EYS: variants seen among roughly 807,000 people sequenced by gnomAD.
EYS encodes protein eyes shut homolog.
EYS carries 250 observed loss-of-function variants against 282.1 expected under a neutral mutation model. The observed-to-expected ratio is 0.89, with a 90% CI of 0.80 to 0.98. The LOEUF is 0.98. Ranked by LOEUF, EYS falls within the 50% of genes least tolerant of loss-of-function variation. The pLI is 0.00. For synonymous variants in EYS, 1,355 were observed against 1,282.9 expected, an observed-to-expected ratio of 1.06 and a Z score of -1.20; for missense variants, 4,016 against 3,709.0, an observed-to-expected ratio of 1.08 and a Z score of -2.15.
intron 28 of EYS, among the ~76,000 whole-genome samples, chr6:64,390,012 G>T (rs201146776): frequency 4.1e-5 from 6 of 147,574 alleles, no homozygotes; most frequent in African/African-American, 1.5e-4. Context: ...AAGGGGTGAT[G>T]GATGGCACCT....
intron 12 of EYS, among the ~76,000 whole-genome samples, chr6:65,075,605 T>C (rs997656330): frequency 2.0e-5 from 3 of 152,004 alleles, no homozygotes; most frequent in African/African-American, 7.2e-5. Context: ...AGTGAATTTC[T>C]TAAATAGTAT....
intron 11 of EYS, among the ~76,000 whole-genome samples, chr6:65,300,156 G>A (rs904287184): frequency 2.6e-5 from 4 of 151,996 alleles, no homozygotes; most frequent in Admixed American, 6.6e-5. Flanking sequence ...AAAATACATT[G>A]GATATTCTCT....
chr6:64,194,698 C>A (rs966958688), intron 31 of EYS, among the ~76,000 whole-genome samples: 1 of 152,060 alleles, frequency 6.6e-6, no homozygotes, highest in South Asian at 2.1e-4. Context: ...TTAGCAACAA[C>A]GTATATTCTA....
At chr6:64,055,047 G>A (rs917100478) in intron 33 of EYS, among the ~76,000 whole-genome samples, 6 of 152,122 alleles carry the variant, frequency 3.9e-5, no homozygotes, top group African/African-American at 7.2e-5. Context: ...GCTTACTGTA[G>A]TACAGATGAG....
At chr6:64,463,239 C>T (rs1358054666) in intron 26 of EYS, among the ~76,000 whole-genome samples, 1 of 152,158 alleles carries the variant, frequency 6.6e-6, no homozygotes, top group Non-Finnish European at 1.5e-5. Flanking sequence ...GCGTGAGCCA[C>T]TGCGCCTGGC....
intron 22 of EYS, among the ~76,000 whole-genome samples, chr6:64,783,664 C>T (rs1296257139): frequency 6.6e-6 from 1 of 151,938 alleles, no homozygotes; most frequent in African/African-American, 2.4e-5. Flanking sequence ...ATGGCTATAC[C>T]ATTTAAAAAT....
chr6:63,876,797 T>C (rs1772984764), intron 35 of EYS, among the ~76,000 whole-genome samples: 1 of 151,930 alleles, frequency 6.6e-6, no homozygotes, highest in Admixed American at 6.6e-5. Flanking sequence ...AACCCCTGCT[T>C]TTTTTTTGTT....
chr6:64,742,663 T>A (rs1772415973), intron 22 of EYS, among the ~76,000 whole-genome samples: 1 of 152,154 alleles, frequency 6.6e-6, no homozygotes. Context: ...AGTGATGGGT[T>A]CACAGGTGCA....
chr6:64,143,775 C>A (rs1774422709), intron 31 of EYS, among the ~76,000 whole-genome samples: 1 of 152,108 alleles, frequency 6.6e-6, no homozygotes, highest in Admixed American at 6.6e-5. Context: ...TTTGACCCTG[C>A]CAATAATTAG....
intron 5 of EYS, among the ~76,000 whole-genome samples, chr6:65,431,595 T>C (rs976585007): frequency 3.3e-5 from 5 of 152,126 alleles, no homozygotes; most frequent in African/African-American, 1.2e-4. Flanking sequence ...TATTTGTTCA[T>C]TATATATGAC....
At chr6:64,626,861 A>C (rs1767626077) in intron 22 of EYS, among the ~76,000 whole-genome samples, 3 of 152,218 alleles carry the variant, frequency 2.0e-5, no homozygotes, top group Admixed American at 2.0e-4. Flanking sequence ...GCTTAAATCC[A>C]AGTGAACTGT....
intron 36 of EYS, among the ~76,000 whole-genome samples, chr6:63,841,152 A>G (rs1771946657): frequency 6.6e-6 from 1 of 152,174 alleles, no homozygotes; most frequent in South Asian, 2.1e-4. Flanking sequence ...TTTAAATATA[A>G]TTTTAGTCAC....
chr6:65,111,955 T>C (rs1229892350), intron 12 of EYS, among the ~76,000 whole-genome samples: 1 of 152,138 alleles, frequency 6.6e-6, no homozygotes, highest in African/African-American at 2.4e-5. Context: ...TTACTCACTT[T>C]CAACTTGGAG....
chr6:64,419,745 C>T (rs9451548), intron 28 of EYS, among the ~76,000 whole-genome samples: 88,991 of 152,144 alleles, frequency 0.58, 27,192 homozygotes, highest in Non-Finnish European at 0.68. Context: ...TGAGCTCCCA[C>T]AGCCTTGGGC....
chr6:65,505,122 G>A lies in EYS; in HGVS notation c.-332-9129C>T, dbSNP rs192248692. The stretch of plus-strand genomic sequence containing the variant: ...CTATTCAGATGATCTTTTCTTGCAT[G>A]AGTATTGATAGTTTGTGTCACTCAA... On this transcript the variant is annotated intron_variant, in intron 2 of 42. Coordinates refer to ENST00000503581, the MANE Select transcript of EYS (RefSeq NM_001142800.2). 3.4e-4 allele frequency among the ~76,000 whole-genome samples: 52 copies of A among 151,880 alleles called. No homozygotes were observed. The East Asian group carries it at 8.9e-3, about 26-fold the overall frequency.
Position 65,640,420 on chromosome 6 carries a change from G to GT in EYS, c.-447-529dup, listed in dbSNP as rs11312384. ...AAAAATAATTCTTTCATTAAAAAGA[G>GT]TTTTTTTTTTCCTTTAGGAAACTTT... On this transcript the variant is annotated intron_variant, in intron 1 of 42. Transcript: ENST00000503581. Among the ~76,000 whole-genome samples, 71 of 150,848 alleles carry GT rather than the reference G, an allele frequency of 4.7e-4. No individual in the cohort carries two copies. The East Asian group carries it at 5.7e-3, about 12-fold the overall frequency.
At chr6:65,637,525 C>T (rs529309340) in intron 2 of EYS, among the ~76,000 whole-genome samples, 3 of 152,244 alleles carry the variant, frequency 2.0e-5, no homozygotes, top group African/African-American at 7.2e-5. Context: ...GCCCGTGCTC[C>T]CTGGCACAGC....
intron 16 of EYS, 39 bp downstream of exon 16, chr6:64,912,445 T>C (rs1768028698): frequency 2.0e-6 from 3 of 1,525,194 alleles, no homozygotes; most frequent in African/African-American, 1.4e-5. Flanking sequence ...ACTAATTAAG[T>C]AATTATTTAA....
intron 22 of EYS, among the ~76,000 whole-genome samples, chr6:64,657,402 G>A (rs1186324538): frequency 1.3e-5 from 2 of 152,130 alleles, no homozygotes; most frequent in Non-Finnish European, 2.9e-5. Flanking sequence ...TCATTATGAT[G>A]TTAGCTGGTT....
Sources: allele counts gnomAD v4.1 joint callset (sites outside exome capture counted in the v4.1 genomes callset), GRCh38; gene constraint gnomAD v4.1.1; transcripts MANE v1.5; gene names NCBI Gene and HGNC (gene_info 2026-07-23, HGNC 2026-07-21).